The following CRLF2 variants were observed in gnomAD, a reference collection of about 807,000 sequenced individuals.
CRLF2 encodes cytokine receptor like factor 2, also known as cytokine receptor-like factor 2.
In CRLF2, 41 loss-of-function variants were observed where a neutral mutation model predicts 38.7. The observed-to-expected ratio is 1.06, with a 90% CI of 0.83 to 1.37. The LOEUF (loss-of-function observed/expected upper bound fraction) is 1.37, where lower values mean the gene tolerates loss of function less well. Among genes scored for constraint, CRLF2 ranks in the 40% most tolerant of loss-of-function variants. The pLI, the probability that CRLF2 is intolerant of heterozygous loss-of-function variation, is 0.00. For synonymous variants in CRLF2, 140 were observed against 128.8 expected (o/e 1.09, Z -0.59); for missense variants, 377 against 322.2 (o/e 1.17, Z -1.30).
At chrX:1,195,472 A>G (rs1201006464) in intron 6 of CRLF2, among the ~76,000 whole-genome samples, 3 of 151,904 alleles carry the variant, frequency 2.0e-5, no homozygotes, top group Non-Finnish European at 4.4e-5. Context: ...CAGTGGTGCA[A>G]TCACAGCTCA....
intron 4 of CRLF2, among the ~76,000 whole-genome samples, chrX:1,200,543 T>C (rs1412716993): frequency 6.7e-6 from 1 of 148,950 alleles, no homozygotes; most frequent in African/African-American, 2.5e-5. Flanking sequence ...TGTGTATATA[T>C]GTGTGGGTAT....
At chrX:1,204,915 G>C (rs2086666131) in intron 3 of CRLF2, among the ~76,000 whole-genome samples, 1 of 152,000 alleles carries the variant, frequency 6.6e-6, no homozygotes, top group Non-Finnish European at 1.5e-5. Context: ...TGCCTCCCAG[G>C]TTCAAGCAAT....
intron 3 of CRLF2, among the ~76,000 whole-genome samples, 192 bp downstream of exon 3, chrX:1,206,241 G>A (rs1265295281): frequency 2.0e-5 from 3 of 151,790 alleles, no homozygotes; most frequent in Admixed American, 1.3e-4. Context: ...TCCCGCGACT[G>A]GCTGGAGCTT....
In CRLF2 at chrX:1,209,044, T is replaced by C. The variant is rs1168230452; in HGVS notation, c.80-136A>G. ...GTACAATGGCACGATCTCGGCTCACTGCAACCTCCGCCTCCCGGGTTCAAG... is the reference window on the plus strand; with the variant it reads ...GTACAATGGCACGATCTCGGCTCACCGCAACCTCCGCCTCCCGGGTTCAAG... On this transcript the variant is annotated intron_variant, in intron 1 of 7. Transcript: ENST00000400841. 1.4e-5 allele frequency: 8 copies of C among 580,398 alleles called. No homozygotes were observed. In the African/African-American group the frequency reaches 1.5e-4, roughly 11 times the overall value. 36.0% of individuals were successfully genotyped at this position (580,398 alleles called of 1,614,324 possible). A position where few individuals can be genotyped will look rare whatever the true frequency, so the allele number is the denominator to read the frequency against.
At chrX:1,191,219 G>A (rs1256674347) in intron 7 of CRLF2, 59 bp from the exon 8 acceptor site, 4 of 398,520 alleles carry the variant, frequency 1.0e-5, no homozygotes, top group Admixed American at 8.8e-5. Flanking sequence ...AGCGTCCTGA[G>A]CATCCGTACA....
intron 5 of CRLF2, among the ~76,000 whole-genome samples, chrX:1,198,005 A>G (rs2086521470): frequency 2.0e-5 from 3 of 151,996 alleles, no homozygotes; most frequent in African/African-American, 7.2e-5. Context: ...TCTCAAAAAA[A>G]CAAAAGAAAG....
intron 5 of CRLF2, among the ~76,000 whole-genome samples, chrX:1,197,791 A>G (rs1268204062): frequency 3.3e-5 from 5 of 150,990 alleles, no homozygotes; most frequent in Non-Finnish European, 7.4e-5. Context: ...TCCAGCCTGG[A>G]CCACAGACTG....
chrX:1,191,328 T>TCTTTCTTTCTTTC (rs1166740776), intron 7 of CRLF2, among the ~76,000 whole-genome samples, 168 bp from the exon 8 acceptor site: 5 of 111,896 alleles, frequency 4.5e-5, no homozygotes, highest in Non-Finnish European at 9.6e-5. Context: ...TTTCTTTCTT[T>TCTTTCTTTCTTTC]CTTTCTTTCT....
chrX:1,207,527 G>C (rs1178394543), intron 2 of CRLF2, among the ~76,000 whole-genome samples: 3 of 112,906 alleles, frequency 2.7e-5, no homozygotes, highest in South Asian at 2.7e-4. Context: ...GCCTCCCAAA[G>C]TGCTGGGATA....
chrX:1,199,571 G>A (rs1369449533), intron 4 of CRLF2, among the ~76,000 whole-genome samples: 1 of 152,052 alleles, frequency 6.6e-6, no homozygotes, highest in Admixed American at 6.6e-5. Context: ...AAAGTGCTGG[G>A]ATTAAAGGTG....
chrX:1,197,118 A>G (rs2086494730), intron 5 of CRLF2, among the ~76,000 whole-genome samples: 1 of 115,460 alleles, frequency 8.7e-6, no homozygotes, highest in African/African-American at 3.6e-5. Context: ...TTTGAGACAG[A>G]ACCTCACTCT....
intron 4 of CRLF2, among the ~76,000 whole-genome samples, chrX:1,200,502 CATATATACAT>C: frequency 6.7e-6 from 1 of 149,536 alleles, no homozygotes; most frequent in Non-Finnish European, 1.5e-5. Flanking sequence ...ATATAAGGTG[CATATATACAT>C]ATATATACGT....
chrX:1,207,558 C>A (rs1272792690), intron 2 of CRLF2, among the ~76,000 whole-genome samples: 1 of 147,508 alleles, frequency 6.8e-6, no homozygotes, highest in Admixed American at 6.9e-5. Flanking sequence ...GCCAACACCC[C>A]CCCCAAGAAC....
intron 7 of CRLF2, among the ~76,000 whole-genome samples, chrX:1,192,626 C>G (rs2086404853): frequency 6.7e-6 from 1 of 148,606 alleles, no homozygotes. Flanking sequence ...TTCTTTCTCT[C>G]TCTTTCTTTC....
At chrX:1,212,418 GAA>G (rs369256719) in intron 1 of CRLF2, 136 bp downstream of exon 1, 4,220 of 423,912 alleles carry the variant, frequency 1.0e-2, no homozygotes, top group South Asian at 0.013. Flanking sequence ...CTTGAACCCG[GAA>G]AAAAAAAAAA....
chrX:1,197,912 G>T (rs1454200097), intron 5 of CRLF2, among the ~76,000 whole-genome samples: 1 of 152,158 alleles, frequency 6.6e-6, no homozygotes, highest in African/African-American at 2.4e-5. Context: ...TGAGGCGGGA[G>T]AATCGATTGA....
Position 1,191,050 on chromosome X carries a change from G to A in CRLF2, c.963C>T (p.Ala321=), listed in dbSNP as rs1198578437. Residue 321 remains alanine (A), a synonymous_variant, in exon 8 of 8, where the codon GCC becomes GCT. Transcript: ENST00000400841. The part of the protein sequence containing the change: ...PLVVQLAKTE[A]ESPRMLDPQT... ...GTGGGTCCAGCATCCTGGGAGACTC[G>A]GCTTCAGTCTTGGCCAACTGGACTA... 15 of 398,630 alleles carry A rather than the reference G, an allele frequency of 3.8e-5. No individual in the cohort carries two copies. Among genetic ancestry groups the A allele is most frequent in the Middle Eastern group, 1.3e-3 (2 of 1,594 alleles). The allele number at this position is 398,630 out of a possible 1,614,324, so 24.7% of individuals were successfully genotyped here. A position where few individuals can be genotyped will look rare whatever the true frequency, so the allele number is the denominator to read the frequency against.
At chrX:1,192,720 C>G (rs1276869557) in intron 7 of CRLF2, among the ~76,000 whole-genome samples, 1 of 51,766 alleles carries the variant, frequency 1.9e-5, no homozygotes, top group Non-Finnish European at 3.5e-5. Context: ...TTCTTTCTTT[C>G]TTTCTTTCTT....
At chrX:1,210,142 A>C (rs1461262866) in intron 1 of CRLF2, among the ~76,000 whole-genome samples, 1 of 149,138 alleles carries the variant, frequency 6.7e-6, no homozygotes, top group African/African-American at 2.5e-5. Flanking sequence ...AAAAGAAAAG[A>C]AAAGAAATGG....
Sources: allele counts gnomAD v4.1 joint callset (sites outside exome capture counted in the v4.1 genomes callset), GRCh38; gene constraint gnomAD v4.1.1; transcripts MANE v1.5; gene names NCBI Gene and HGNC (gene_info 2026-07-23, HGNC 2026-07-21).